The following CDKL4 variants were observed in gnomAD, a reference collection of about 807,000 sequenced individuals.
CDKL4 encodes the protein cyclin dependent kinase like 4.
CDKL4 carries 44 observed loss-of-function variants against 42.0 expected under a neutral mutation model. The observed-to-expected ratio is 1.05, with a 90% CI of 0.82 to 1.35. CDKL4 has a LOEUF of 1.35. Among genes scored for constraint, CDKL4 ranks in the 40% most tolerant of loss-of-function variants. The probability of loss-of-function intolerance (pLI) is 0.00; values close to 1 mark genes in which losing one functional copy is unlikely to be tolerated. For missense variants in CDKL4, 393 were observed against 369.9 expected (o/e 1.06, Z -0.51); for synonymous variants, 120 against 121.6 (o/e 0.99, Z 0.09).
intron 3 of CDKL4, among the ~76,000 whole-genome samples, chr2:39,216,852 A>G (rs1362911379): frequency 6.6e-6 from 1 of 152,206 alleles, no homozygotes; most frequent in African/African-American, 2.4e-5. Flanking sequence ...TTCATAGGAA[A>G]GTAATTTCAT....
chr2:39,200,163 A>G (rs1197790846), intron 5 of CDKL4, among the ~76,000 whole-genome samples: 1 of 152,176 alleles, frequency 6.6e-6, no homozygotes, highest in Non-Finnish European at 1.5e-5. Flanking sequence ...AAATTAATGT[A>G]CATAAATCAG....
intron 3 of CDKL4, among the ~76,000 whole-genome samples, chr2:39,218,047 A>G (rs946804406): frequency 6.6e-6 from 1 of 151,878 alleles, no homozygotes; most frequent in African/African-American, 2.4e-5. Context: ...AGGCTTATTT[A>G]TACTTTCAAT....
chr2:39,178,701 T>C lies in CDKL4; in HGVS notation c.927+486A>G, dbSNP rs754655804. 32 of 1,609,412 alleles carry C rather than the reference T, an allele frequency of 2.0e-5. 1 individual carries two copies. The highest frequency in any genetic ancestry group is 2.7e-5 in the Non-Finnish European group (32 of 1,178,608). On this transcript the variant is annotated intron_variant, in intron 9 of 9. Transcript: ENST00000451199. Reference sequence around the variant, plus strand: ...CCCAGATGTCTGGGTTTCATTCCTTTGTACCTGGCAGATCTTGGTTTTGAG... The same window carrying C: ...CCCAGATGTCTGGGTTTCATTCCTTCGTACCTGGCAGATCTTGGTTTTGAG...
At chr2:39,187,873 G>A (rs908517406) in intron 6 of CDKL4, among the ~76,000 whole-genome samples, 164 bp from the exon 7 acceptor site, 2 of 152,058 alleles carry the variant, frequency 1.3e-5, no homozygotes, top group African/African-American at 2.4e-5. Flanking sequence ...TTCGAGACCA[G>A]CCTGGTCAAC....
chr2:39,234,434 A>G (rs548889173), intron 1 of CDKL4, among the ~76,000 whole-genome samples: 8 of 152,310 alleles, frequency 5.3e-5, no homozygotes, highest in African/African-American at 1.9e-4. Flanking sequence ...AAATGAAGAA[A>G]AAAAGGTAAA....
upstream of CDKL4, among the ~76,000 whole-genome samples, chr2:39,245,368 A>G (rs1173838396): frequency 6.6e-6 from 1 of 152,088 alleles, no homozygotes. Flanking sequence ...GAGACCACGA[A>G]CCCACCAGAA....
chr2:39,234,128 C>T (rs180817290), intron 1 of CDKL4, among the ~76,000 whole-genome samples: 311 of 151,686 alleles, frequency 2.1e-3, no homozygotes, highest in South Asian at 8.1e-3. Context: ...TTAGCCAGGA[C>T]GGTCTCGATC....
intron 5 of CDKL4, 35 bp downstream of exon 5, chr2:39,204,492 T>C (rs747970889): frequency 1.5e-5 from 17 of 1,130,088 alleles, no homozygotes; most frequent in Non-Finnish European, 1.7e-5. Flanking sequence ...TATCATCATC[T>C]GAACTGGGTA....
intron 7 of CDKL4, among the ~76,000 whole-genome samples, chr2:39,185,588 G>A (rs564508203): frequency 4.7e-5 from 7 of 150,000 alleles, no homozygotes; most frequent in Admixed American, 6.7e-5. Flanking sequence ...TCAGTCTCCC[G>A]AGTAGCTGGG....
At chr2:39,236,746 A>T (rs754412221) in intron 1 of CDKL4, among the ~76,000 whole-genome samples, 4 of 152,230 alleles carry the variant, frequency 2.6e-5, no homozygotes, top group Non-Finnish European at 5.9e-5. Context: ...AATTAAAAAA[A>T]ATGACAATAT....
At chr2:39,234,103 TGG>T (rs200024668) in intron 1 of CDKL4, among the ~76,000 whole-genome samples, 1,715 of 151,592 alleles carry the variant, frequency 0.011, 37 homozygotes, top group African/African-American at 0.04. Context: ...TTAGTACAGG[TGG>T]GGTTTCACTG....
intron 9 of CDKL4, among the ~76,000 whole-genome samples, chr2:39,177,917 G>A (rs1452601316): frequency 3.3e-5 from 5 of 152,170 alleles, no homozygotes; most frequent in African/African-American, 1.2e-4. Flanking sequence ...TCAAACTCCT[G>A]ACCTCAAGTG....
upstream of CDKL4, among the ~76,000 whole-genome samples, chr2:39,244,448 C>T (rs1298512342): frequency 6.6e-6 from 1 of 152,224 alleles, no homozygotes; most frequent in Non-Finnish European, 1.5e-5. Flanking sequence ...GTAATGGGTC[C>T]CCCAGCAGTG....
At chr2:39,196,336 A>G (rs1020739518) in intron 5 of CDKL4, among the ~76,000 whole-genome samples, 6 of 152,232 alleles carry the variant, frequency 3.9e-5, no homozygotes, top group Admixed American at 3.3e-4. Context: ...AATGGATCAC[A>G]TCACGGGACT....
chr2:39,215,682 T>C (rs552126867), intron 3 of CDKL4, among the ~76,000 whole-genome samples: 8 of 152,306 alleles, frequency 5.3e-5, no homozygotes, highest in South Asian at 4.1e-4. Context: ...TGGGAAGGCC[T>C]AGGCATGACT....
At chr2:39,203,376 A>C (rs370873588) in intron 5 of CDKL4, among the ~76,000 whole-genome samples, 1 of 152,144 alleles carries the variant, frequency 6.6e-6, no homozygotes, top group Non-Finnish European at 1.5e-5. Context: ...TAATGCTTGT[A>C]ATGGCGTATC....
At chr2:39,197,731 T>C (rs12712631) in intron 5 of CDKL4, among the ~76,000 whole-genome samples, 114,855 of 152,084 alleles carry the variant, frequency 0.76, 46,456 homozygotes, top group Non-Finnish European at 0.91. Flanking sequence ...TTGTATCTAG[T>C]GAAACTAAGC....
intron 1 of CDKL4, among the ~76,000 whole-genome samples, chr2:39,234,189 A>G (rs990156178): frequency 3.3e-5 from 5 of 152,190 alleles, no homozygotes; most frequent in African/African-American, 1.2e-4. Flanking sequence ...CTAGGACTAC[A>G]GGCGTGAGCC....
intron 1 of CDKL4, 33 bp from the exon 2 acceptor site, chr2:39,229,621 C>CTTT: frequency 9.7e-7 from 1 of 1,027,722 alleles, no homozygotes; most frequent in Non-Finnish European, 1.4e-6. Flanking sequence ...CTTAATCAAG[C>CTTT]TATAAAAGAC....
Sources: allele counts gnomAD v4.1 joint callset (sites outside exome capture counted in the v4.1 genomes callset), GRCh38; gene constraint gnomAD v4.1.1; transcripts MANE v1.5; gene names NCBI Gene and HGNC (gene_info 2026-07-23, HGNC 2026-07-21).